The following AGAP1 variants were observed in gnomAD, a reference collection of about 807,000 sequenced individuals.
The protein encoded by AGAP1 is ArfGAP with GTPase domain, ankyrin repeat and PH domain 1, also known as arf-GAP with GTPase, ANK repeat and PH domain-containing protein 1.
Under a neutral mutation model 105.3 loss-of-function variants are expected in AGAP1, and 29 were observed. The ratio of observed to expected loss-of-function variants is 0.28; its 90% confidence interval spans 0.21 to 0.38. The LOEUF (loss-of-function observed/expected upper bound fraction) is 0.38. AGAP1 is among the 10% of genes least tolerant of loss of function. The pLI is 1.00. For synonymous variants in AGAP1, 509 were observed against 485.9 expected (o/e 1.05, Z -0.63); for missense variants, 998 against 1,165.1 (o/e 0.86, Z 2.09).
intron 1 of AGAP1, among the ~76,000 whole-genome samples, chr2:235,686,184 A>AG (rs2149417617): frequency 6.6e-6 from 1 of 152,240 alleles, no homozygotes; most frequent in South Asian, 2.1e-4. Flanking sequence ...GTAAAGCTGA[A>AG]GTCCCCCCAA....
intron 1 of AGAP1, among the ~76,000 whole-genome samples, chr2:235,607,512 C>G (rs541385323): frequency 6.6e-6 from 1 of 152,290 alleles, no homozygotes; most frequent in African/African-American, 2.4e-5. Context: ...GCCCGTTGGC[C>G]TGGGTGGAGC....
rs1295704404 is a variant in AGAP1 at position 235,623,094 on chromosome 2, A to G, written c.164-86085A>G. On this transcript the variant is annotated intron_variant, in intron 1 of 17. Coordinates refer to ENST00000304032, the MANE Select transcript of AGAP1 (RefSeq NM_001037131.3). This position sits in a 1 kb window ranked among gnomAD's most constrained non-coding sequence, Gnocchi z 4.5. ...GGAATAGATGTCTCTCATGCAGCTC[A>G]TTTTCCAGTGGATTGCCTGATGTTC... Among the ~76,000 whole-genome samples the G allele has an allele frequency of 6.6e-5, 10 of 152,116 alleles. No individual in the cohort carries two copies. Among genetic ancestry groups the G allele is most frequent in the Non-Finnish European group, 4.4e-5 (3 of 68,010 alleles).
At chr2:235,711,112 A>G (rs1041323513) in intron 2 of AGAP1, among the ~76,000 whole-genome samples, 1 of 152,250 alleles carries the variant, frequency 6.6e-6, no homozygotes, top group African/African-American at 2.4e-5. Context: ...CTCGACGGTA[A>G]AAACCTCCTG....
chr2:236,095,735 A>C lies in AGAP1; in HGVS notation c.2115-24457A>C, dbSNP rs1472976791. Among the ~76,000 whole-genome samples, 1 of 152,218 alleles carries C rather than the reference A, an allele frequency of 6.6e-6. No homozygotes were observed. The highest frequency in any genetic ancestry group is 1.5e-5 in the Non-Finnish European group (1 of 68,044). ...AAAATTGTGGGAAAAAACTTTTAAA[A>C]ATTTTGACATATGAAGAAGTATATT... is the stretch of plus-strand genomic sequence containing the variant. On this transcript the variant is annotated intron_variant, in intron 16 of 17. Coordinates refer to ENST00000304032, the MANE Select transcript of AGAP1 (RefSeq NM_001037131.3). This position sits in a 1 kb window ranked among gnomAD's most constrained non-coding sequence, Gnocchi z 4.1.
chr2:236,024,729 C>T (rs749700357), intron 13 of AGAP1, among the ~76,000 whole-genome samples: 3 of 152,204 alleles, frequency 2.0e-5, no homozygotes, highest in Non-Finnish European at 2.9e-5. Context: ...AGTTTCTTGC[C>T]CCTAAGGAGG....
In AGAP1 at chr2:236,046,690, G is replaced by A. The variant is rs572837905; in HGVS notation, c.1892-2369G>A. On this transcript the variant is annotated intron_variant, in intron 15 of 17. Coordinates refer to ENST00000304032, the MANE Select transcript of AGAP1 (RefSeq NM_001037131.3). The surrounding 1 kb of genome is among the most constrained non-coding windows in gnomAD (Gnocchi z 5.2). Reference sequence around the variant, plus strand: ...CTGAGTGGTGATTGAAGTGTGGGTTGGGTTGGCCTGAATAAGACTACACAG... The same window carrying A: ...CTGAGTGGTGATTGAAGTGTGGGTTAGGTTGGCCTGAATAAGACTACACAG... 6.6e-6 allele frequency among the ~76,000 whole-genome samples: 1 copy of A among 152,282 alleles called. No individual in the cohort carries two copies. The highest frequency in any genetic ancestry group is 2.1e-4 in the South Asian group (1 of 4,814).
rs994244571 is a variant in AGAP1 at position 235,655,054 on chromosome 2, A to G, written c.164-54125A>G. Reference sequence around the variant, plus strand: ...TCATGAATAAAGAATATTAATTACTATATCCAGAATGATCCTCTTTTTTTT... The same window carrying G: ...TCATGAATAAAGAATATTAATTACTGTATCCAGAATGATCCTCTTTTTTTT... On this transcript the variant is annotated intron_variant, in intron 1 of 17. Coordinates refer to ENST00000304032, the MANE Select transcript of AGAP1 (RefSeq NM_001037131.3). This position sits in a 1 kb window ranked among gnomAD's most constrained non-coding sequence, Gnocchi z 4.3. Among the ~76,000 whole-genome samples the G allele has an allele frequency of 1.1e-4, 17 of 150,908 alleles. No individual in the cohort carries two copies. Among genetic ancestry groups the G allele is most frequent in the African/African-American group, 3.9e-4 (16 of 41,272 alleles).
At chr2:235,806,069 C>T (rs1015345726) in intron 8 of AGAP1, among the ~76,000 whole-genome samples, 3 of 152,156 alleles carry the variant, frequency 2.0e-5, no homozygotes, top group African/African-American at 7.2e-5. Flanking sequence ...CTAAATGCGT[C>T]CCATCAGCCC....
rs965302154 is a variant in AGAP1 at position 235,550,541 on chromosome 2, C to T, written c.163+55692C>T. ...GTTCTTGGGCCCCACCCCACACCTG[C>T]GACTCCAGACTCAGAGTTGATGAGG... is the stretch of plus-strand genomic sequence containing the variant. On this transcript the variant is annotated intron_variant, in intron 1 of 17. Transcript: ENST00000304032. The surrounding 1 kb of genome is among the most constrained non-coding windows in gnomAD (Gnocchi z 4.6). Among the ~76,000 whole-genome samples, 2 of 152,148 alleles carry T rather than the reference C, an allele frequency of 1.3e-5. No individual in the cohort carries two copies. Among genetic ancestry groups the T allele is most frequent in the Non-Finnish European group, 2.9e-5 (2 of 68,022 alleles).
Position 235,737,063 on chromosome 2 carries a change from C to T in AGAP1, c.311-3900C>T, listed in dbSNP as rs954822618. ...AGTGTTACCTACCTGCCAGCCCAGACTTCTCAAGGCCCAGTGGTCCTATTG... is the reference window on the plus strand; with the variant it reads ...AGTGTTACCTACCTGCCAGCCCAGATTTCTCAAGGCCCAGTGGTCCTATTG... On this transcript the variant is annotated intron_variant, in intron 3 of 17. Transcript: ENST00000304032. This position sits in a 1 kb window ranked among gnomAD's most constrained non-coding sequence, Gnocchi z 4.5. Among the ~76,000 whole-genome samples the T allele has an allele frequency of 1.3e-5, 2 of 152,042 alleles. No individual in the cohort carries two copies. Among genetic ancestry groups the T allele is most frequent in the African/African-American group, 4.8e-5 (2 of 41,426 alleles).
In AGAP1 at chr2:235,988,836, T is replaced by C. The variant is rs1031468275; in HGVS notation, c.1645+20213T>C. On this transcript the variant is annotated intron_variant, in intron 13 of 17. Transcript: ENST00000304032. This position sits in a 1 kb window ranked among gnomAD's most constrained non-coding sequence, Gnocchi z 4.7. Reference sequence around the variant, plus strand: ...ATGTGTTTCCCAGACTGGGCGTCACTGTCGCCTCCTTGACTCTCATCACTC... The same window carrying C: ...ATGTGTTTCCCAGACTGGGCGTCACCGTCGCCTCCTTGACTCTCATCACTC... 5.3e-5 allele frequency among the ~76,000 whole-genome samples: 8 copies of C among 152,186 alleles called. No homozygotes were observed. The highest frequency in any genetic ancestry group is 1.0e-4 in the Non-Finnish European group (7 of 68,026).
At position 235,719,511 on chromosome 2, in the gene AGAP1, C is replaced by T. The variant is rs1951277341; in HGVS notation, c.310+1867C>T. On this transcript the variant is annotated intron_variant, in intron 3 of 17. Coordinates refer to ENST00000304032, the MANE Select transcript of AGAP1 (RefSeq NM_001037131.3). This position sits in a 1 kb window ranked among gnomAD's most constrained non-coding sequence, Gnocchi z 4.9. ...TGGGGTGACCTAAACTGATCACTAACATCCCTGCTTCTTTGATTTTTCAAG... is the reference window on the plus strand; with the variant it reads ...TGGGGTGACCTAAACTGATCACTAATATCCCTGCTTCTTTGATTTTTCAAG... 6.6e-6 allele frequency among the ~76,000 whole-genome samples: 1 copy of T among 152,216 alleles called. No individual in the cohort carries two copies. Among genetic ancestry groups the T allele is most frequent in the African/African-American group, 2.4e-5 (1 of 41,458 alleles).
intron 13 of AGAP1, among the ~76,000 whole-genome samples, chr2:235,972,919 G>A (rs940634208): frequency 4.0e-5 from 6 of 151,790 alleles, no homozygotes; most frequent in East Asian, 2.0e-4. Context: ...GAGCCCTCGC[G>A]GCTTCCTGAA....
rs983166431 is a variant in AGAP1, at chr2:236,123,378, G to T, written c.2371-541G>T. ...GTAATTTTTAATGATGTAAGAAAAT[G>T]ATCACAGTATAGTAATCAATAAAAA... On this transcript the variant is annotated intron_variant, in intron 17 of 17. Coordinates refer to ENST00000304032, the MANE Select transcript of AGAP1 (RefSeq NM_001037131.3). The surrounding 1 kb of genome is among the most constrained non-coding windows in gnomAD (Gnocchi z 4.6). Among the ~76,000 whole-genome samples the T allele has an allele frequency of 3.3e-5, 5 of 152,116 alleles. No homozygotes were observed. The South Asian group carries it at 1.0e-3, about 32-fold the overall frequency.
At chr2:235,573,374 G>C (rs75998214) in intron 1 of AGAP1, among the ~76,000 whole-genome samples, 5,322 of 151,756 alleles carry the variant, frequency 0.035, 335 homozygotes, top group African/African-American at 0.12. Flanking sequence ...CCCTGCACCC[G>C]GCTGCTGCTC....
rs184865314 is a variant in AGAP1, at chr2:235,992,763, G to T, written c.1645+24140G>T. ...GGGGATGCGTCGTGGGCGCCGAGGA[G>T]AGCGTAGCCTCCTGTTAACGTAGCC... On this transcript the variant is annotated intron_variant, in intron 13 of 17. Transcript: ENST00000304032. The surrounding 1 kb of genome is among the most constrained non-coding windows in gnomAD (Gnocchi z 4.8). Among the ~76,000 whole-genome samples the T allele has an allele frequency of 1.2e-4, 18 of 152,322 alleles. No individual in the cohort carries two copies. The highest frequency in any genetic ancestry group is 2.1e-4 in the Non-Finnish European group (14 of 68,026).
rs543675545 is a variant in AGAP1, at chr2:236,005,794, A to G, written c.1646-30767A>G. 3.3e-5 allele frequency among the ~76,000 whole-genome samples: 5 copies of G among 152,296 alleles called. No homozygotes were observed. The highest frequency in any genetic ancestry group is 7.2e-5 in the African/African-American group (3 of 41,550). ...GAGAAGGACCACAGGGTGAAGTGCT[A>G]TTTCCATCCTATCCTGTCAAGGGTA... is the stretch of plus-strand genomic sequence containing the variant. On this transcript the variant is annotated intron_variant, in intron 13 of 17. Coordinates refer to ENST00000304032, the MANE Select transcript of AGAP1 (RefSeq NM_001037131.3). The surrounding 1 kb of genome is among the most constrained non-coding windows in gnomAD (Gnocchi z 4.1).
rs946836590 is a variant in AGAP1, at chr2:236,053,798, C to T, written c.2114+4517C>T. On this transcript the variant is annotated intron_variant, in intron 16 of 17. Coordinates refer to ENST00000304032, the MANE Select transcript of AGAP1 (RefSeq NM_001037131.3). This position sits in a 1 kb window ranked among gnomAD's most constrained non-coding sequence, Gnocchi z 4.6. ...AAGTGGAGAATAGTGTTTTCAATTC[C>T]GTGAAAGAGCTCTTGAGAGGCGCTT... is the stretch of plus-strand genomic sequence containing the variant. 1.3e-5 allele frequency among the ~76,000 whole-genome samples: 2 copies of T among 152,362 alleles called. No homozygotes were observed. The highest frequency in any genetic ancestry group is 2.9e-5 in the Non-Finnish European group (2 of 68,028).
At chr2:235,534,100 T>C (rs552408764) in intron 1 of AGAP1, among the ~76,000 whole-genome samples, 2 of 152,216 alleles carry the variant, frequency 1.3e-5, no homozygotes, top group South Asian at 2.1e-4. Flanking sequence ...GCAGAAGGAG[T>C]ACTCACTGTG....
Sources: allele counts gnomAD v4.1 joint callset (sites outside exome capture counted in the v4.1 genomes callset), GRCh38; gene constraint gnomAD v4.1.1; non-coding constraint Gnocchi (gnomAD v3.1); transcripts MANE v1.5; gene names NCBI Gene and HGNC (gene_info 2026-07-23, HGNC 2026-07-21).